The following CACNA1C variants were observed in gnomAD, a reference collection of about 807,000 sequenced individuals.
The protein encoded by CACNA1C is voltage-dependent L-type calcium channel subunit alpha-1C.
Under a neutral mutation model 229.0 loss-of-function variants are expected in CACNA1C, and 30 were observed. The observed-to-expected ratio is 0.13, with a 90% CI of 0.10 to 0.18. The LOEUF (loss-of-function observed/expected upper bound fraction) is 0.18. CACNA1C is among the 10% of genes least tolerant of loss of function. The pLI is 1.00. For missense variants in CACNA1C, 1,658 were observed against 2,845.0 expected (o/e 0.58, Z 9.49); for synonymous variants, 1,114 against 1,132.5 (o/e 0.98, Z 0.33).
rs1206008866 is a variant in CACNA1C at position 2,605,045 on chromosome 12, G to A, written c.2961-36G>A. Reference sequence around the variant, plus strand: ...TTATTTTTGCTCCCCCCAGAAACAGGAGGAGCTTACTACCCTGCCTGTTTC... The same window carrying A: ...TTATTTTTGCTCCCCCCAGAAACAGAAGGAGCTTACTACCCTGCCTGTTTC... On this transcript the variant is annotated intron_variant, in intron 22 of 46. Transcript: ENST00000399655. The surrounding 1 kb of genome is among the most constrained non-coding windows in gnomAD (Gnocchi z 6.2). 2.7e-6 allele frequency: 4 copies of A among 1,502,530 alleles called. No individual in the cohort carries two copies. The South Asian group carries it at 3.4e-5, about 13-fold the overall frequency. The allele number at this position is 1,502,530 out of a possible 1,614,324, so 93.1% of individuals were successfully genotyped here.
intron 3 of CACNA1C, among the ~76,000 whole-genome samples, chr12:2,349,215 A>G (rs1439985181): frequency 6.6e-6 from 1 of 152,178 alleles, no homozygotes; most frequent in African/African-American, 2.4e-5. Flanking sequence ...GAAGGGTAGA[A>G]TACAATACAA....
At chr12:2,606,123 A>G (rs1017100954) in intron 24 of CACNA1C, among the ~76,000 whole-genome samples, 1 of 152,120 alleles carries the variant, frequency 6.6e-6, no homozygotes, top group Admixed American at 6.5e-5. Context: ...ACCTATTATC[A>G]ACAGCATCAC....
intron 3 of CACNA1C, among the ~76,000 whole-genome samples, chr12:2,224,298 C>T (rs2062282730): frequency 6.6e-6 from 1 of 152,240 alleles, no homozygotes; most frequent in South Asian, 2.1e-4. Flanking sequence ...GTCTCCTCTC[C>T]ACCGTCTCCG....
intron 3 of CACNA1C, among the ~76,000 whole-genome samples, chr12:2,443,146 A>G (rs531679396): frequency 1.4e-4 from 21 of 152,336 alleles, no homozygotes; most frequent in Non-Finnish European, 2.9e-4. Flanking sequence ...AGCAAGATGG[A>G]AGGCAAATCC....
intron 9 of CACNA1C, among the ~76,000 whole-genome samples, chr12:2,513,274 TCTC>T (rs554714325): frequency 4.0e-4 from 61 of 152,314 alleles, no homozygotes; most frequent in African/African-American, 1.3e-3. Context: ...CAGAGATCCT[TCTC>T]CTCCAGGTTC....
chr12:2,318,221 C>T (rs948460545), intron 3 of CACNA1C, among the ~76,000 whole-genome samples: 4 of 152,204 alleles, frequency 2.6e-5, no homozygotes, highest in African/African-American at 9.7e-5. Flanking sequence ...TTGGCCTGGG[C>T]GCTCTCCTTC....
At chr12:2,360,151 A>ACCC (rs1235106830) in intron 3 of CACNA1C, among the ~76,000 whole-genome samples, 24 of 67,588 alleles carry the variant, frequency 3.6e-4, no homozygotes, top group African/African-American at 1.0e-3. Flanking sequence ...ACACAAACAC[A>ACCC]CCCCACCCCC....
At chr12:2,223,909 T>A (rs1426498987) in intron 3 of CACNA1C, among the ~76,000 whole-genome samples, 2 of 152,194 alleles carry the variant, frequency 1.3e-5, no homozygotes, top group Admixed American at 1.3e-4. Flanking sequence ...TATATTCTAG[T>A]TTATTTATAG....
intron 8 of CACNA1C, among the ~76,000 whole-genome samples, chr12:2,511,740 C>T (rs1237800202): frequency 6.6e-6 from 1 of 152,130 alleles, no homozygotes; most frequent in African/African-American, 2.4e-5. Flanking sequence ...TTGCCTTCTC[C>T]TGCCAGCCTC....
At chr12:2,688,072 T>G (rs934218369) in intron 45 of CACNA1C, among the ~76,000 whole-genome samples, 1 of 152,298 alleles carries the variant, frequency 6.6e-6, no homozygotes, top group African/African-American at 2.4e-5. Flanking sequence ...GTTTTCTGGC[T>G]TTACAGACAT....
intron 3 of CACNA1C, among the ~76,000 whole-genome samples, chr12:2,394,363 T>C (rs901466551): frequency 3.3e-5 from 5 of 152,196 alleles, no homozygotes; most frequent in Non-Finnish European, 1.5e-5. Flanking sequence ...TAAGAGTGAC[T>C]AATAAATAAA....
chr12:2,164,611 A>G (rs1350070528), intron 3 of CACNA1C, among the ~76,000 whole-genome samples: 1 of 152,222 alleles, frequency 6.6e-6, no homozygotes. Flanking sequence ...TGTAACTTAA[A>G]AACTTGTCTT....
Position 2,053,498 on chromosome 12 carries a change from C to G in CACNA1C, c.-65C>G. 6.5e-7 allele frequency: 1 copy of G among 1,539,170 alleles called. No homozygotes were observed. The highest frequency in any genetic ancestry group is 8.8e-7 in the Non-Finnish European group (1 of 1,140,398). On this transcript the variant is annotated 5_prime_UTR_variant, in exon 1 of 47. Coordinates refer to ENST00000399655, the MANE Select transcript of CACNA1C (RefSeq NM_000719.7). The surrounding 1 kb of genome is among the most constrained non-coding windows in gnomAD (Gnocchi z 5.8). ...GGAGGAGGGATTAATCCAGACCCGCCGGGGGGTGTTTTCACATTTCTTCCT... is the reference window on the plus strand; with the variant it reads ...GGAGGAGGGATTAATCCAGACCCGCGGGGGGGTGTTTTCACATTTCTTCCT...
intron 1 of CACNA1C, among the ~76,000 whole-genome samples, chr12:2,077,720 C>A (rs2063750617): frequency 6.6e-6 from 1 of 152,130 alleles, no homozygotes; most frequent in East Asian, 1.9e-4. Flanking sequence ...GGAACCCTTG[C>A]ATAAAGCCCA....
At chr12:2,682,492 A>G in intron 42 of CACNA1C, 58 bp from the exon 43 acceptor site, 1 of 1,588,696 alleles carries the variant, frequency 6.3e-7, no homozygotes. Flanking sequence ...TTACTTGCTG[A>G]AGGAAGTGGA....
intron 4 of CACNA1C, among the ~76,000 whole-genome samples, chr12:2,454,944 C>T (rs55674974): frequency 0.36 from 54,202 of 152,062 alleles, 10,946 homozygotes; most frequent in East Asian, 0.75. Flanking sequence ...CGACCCACGG[C>T]GCTGCCCCTG....
intron 3 of CACNA1C, among the ~76,000 whole-genome samples, chr12:2,414,751 TCCCAAGTTTTTTGTAC>T (rs1311556258): frequency 1.3e-5 from 2 of 152,118 alleles, no homozygotes; most frequent in Non-Finnish European, 2.9e-5. Flanking sequence ...ACCCAGTGTT[TCCCAAGTTTTTTGTAC>T]CCCTTACTGA....
At chr12:2,233,190 T>G (rs1387523696) in intron 3 of CACNA1C, among the ~76,000 whole-genome samples, 1 of 152,216 alleles carries the variant, frequency 6.6e-6, no homozygotes, top group African/African-American at 2.4e-5. Context: ...TCTCATCATA[T>G]CAGGACCAGT....
intron 3 of CACNA1C, among the ~76,000 whole-genome samples, chr12:2,290,191 G>C (rs1046390408): frequency 1.1e-4 from 16 of 152,200 alleles, no homozygotes; most frequent in African/African-American, 2.9e-4. Flanking sequence ...GGTAAGCATG[G>C]ACAGGTGGAG....
Sources: gnomAD v4.1 joint callset for allele counts (sites outside exome capture counted in the v4.1 genomes callset) on GRCh38, gnomAD v4.1.1 for gene constraint, Gnocchi (gnomAD v3.1) non-coding constraint, MANE v1.5 for transcripts, NCBI Gene and HGNC (gene_info 2026-07-23, HGNC 2026-07-21) for gene names.